The following STOX1 variants were observed in gnomAD, a reference collection of about 807,000 sequenced individuals.
STOX1 encodes the protein storkhead box 1.
A neutral mutation model predicts 74.8 loss-of-function variants in STOX1; 57 were observed. The ratio of observed to expected loss-of-function variants is 0.76; its 90% confidence interval spans 0.62 to 0.95. The LOEUF (loss-of-function observed/expected upper bound fraction) is 0.95, where lower values mean the gene tolerates loss of function less well. Ranked by LOEUF, STOX1 falls within the 40% of genes least tolerant of loss-of-function variation. STOX1 has a pLI of 0.00. For missense variants in STOX1, 1,010 were observed against 1,117.0 expected (o/e 0.90, Z 1.37); for synonymous variants, 375 against 401.3 (o/e 0.93, Z 0.78).
chr10:68,875,115 A>C (rs1268323231), intron 1 of STOX1, among the ~76,000 whole-genome samples: 1 of 152,192 alleles, frequency 6.6e-6, no homozygotes, highest in African/African-American at 2.4e-5. Flanking sequence ...GTACTATTTG[A>C]AGCCTGGCAT....
At chr10:68,876,699 G>C (rs924207797) in intron 1 of STOX1, among the ~76,000 whole-genome samples, 9 of 152,084 alleles carry the variant, frequency 5.9e-5, no homozygotes, top group African/African-American at 2.2e-4. Flanking sequence ...TTATGCTCTG[G>C]CTCAAAGTCT....
Position 68,886,404 on chromosome 10 carries a change from A to C in STOX1, c.2608A>C (p.Ile870Leu), listed in dbSNP as rs200753231. Residue 870 changes from isoleucine to leucine, a missense_variant, in exon 3 of 4, where the codon ATA becomes CTA. Ile to Leu is a conservative substitution (Grantham distance 5). Coordinates refer to ENST00000298596, the MANE Select transcript of STOX1 (RefSeq NM_152709.5). ...ARKASFEAEV[I>L]QDTIGDTGKK... ...AAAAGCCAGTTTTGAAGCTGAAGTC[A>C]TACAAGACACTATTGGTGACACAGG... is the stretch of plus-strand genomic sequence containing the variant. 6.2e-7 allele frequency: 1 copy of C among 1,614,238 alleles called. No homozygotes were observed. Among genetic ancestry groups the C allele is most frequent in the Non-Finnish European group, 8.5e-7 (1 of 1,180,034 alleles).
chr10:68,827,567 G>A lies in STOX1; in HGVS notation c.-57G>A, dbSNP rs184399576. ...ATCCTCCCGCCGAGCGAGCGGCGTC[G>A]TAGCCGCCGCGCTCGCCGAGGCCCT... On this transcript the variant is annotated 5_prime_UTR_variant, in exon 1 of 4. Transcript: ENST00000298596. 15 of 1,070,732 alleles carry A rather than the reference G, an allele frequency of 1.4e-5. No homozygotes were observed. The African/African-American group carries it at 1.7e-4, about 12-fold the overall frequency. The allele number at this position is 1,070,732 out of a possible 1,614,324, so 66.3% of individuals were successfully genotyped here.
intron 1 of STOX1, among the ~76,000 whole-genome samples, chr10:68,841,647 G>A (rs1461735338): frequency 1.3e-5 from 2 of 152,152 alleles, no homozygotes; most frequent in East Asian, 3.8e-4. Context: ...GGGATTACAT[G>A]AAAGAGAGTT....
chr10:68,859,750 C>G (rs1414683191), intron 1 of STOX1, among the ~76,000 whole-genome samples: 1 of 151,868 alleles, frequency 6.6e-6, no homozygotes, highest in African/African-American at 2.4e-5. Flanking sequence ...GGGACAGATT[C>G]CAACAAGAAG....
chr10:68,866,032 A>G (rs1304808144), intron 1 of STOX1, among the ~76,000 whole-genome samples: 2 of 151,852 alleles, frequency 1.3e-5, no homozygotes, highest in Admixed American at 6.6e-5. Flanking sequence ...AAACCTTGCA[A>G]ATTTTTTCCT....
intron 1 of STOX1, among the ~76,000 whole-genome samples, chr10:68,875,446 A>G (rs929411803): frequency 6.6e-6 from 1 of 152,118 alleles, no homozygotes; most frequent in African/African-American, 2.4e-5. Flanking sequence ...CAGGAAGGCA[A>G]TCTTGAGATG....
intron 1 of STOX1, among the ~76,000 whole-genome samples, chr10:68,867,030 C>T (rs550068153): frequency 1.0e-4 from 15 of 150,068 alleles, no homozygotes; most frequent in African/African-American, 9.8e-5. Context: ...CTGCAAGCTC[C>T]GCCTCCCGGG....
chr10:68,868,102 G>C (rs952544998), intron 1 of STOX1, among the ~76,000 whole-genome samples: 1 of 152,216 alleles, frequency 6.6e-6, no homozygotes. Context: ...ATCCGGGTTC[G>C]AGCCCCAAGT....
At chr10:68,875,823 G>A (rs1040972166) in intron 1 of STOX1, among the ~76,000 whole-genome samples, 17 of 152,034 alleles carry the variant, frequency 1.1e-4, no homozygotes, top group Non-Finnish European at 2.1e-4. Context: ...TGATTGCTTG[G>A]GGTTGTATGA....
intron 1 of STOX1, among the ~76,000 whole-genome samples, chr10:68,881,035 T>G (rs1202372863): frequency 6.6e-6 from 1 of 152,152 alleles, no homozygotes; most frequent in African/African-American, 2.4e-5. Flanking sequence ...AGTTTGATGT[T>G]TCTTGGTGCT....
chr10:68,849,728 A>G (rs569926692), intron 1 of STOX1, among the ~76,000 whole-genome samples: 2 of 152,240 alleles, frequency 1.3e-5, no homozygotes, highest in East Asian at 3.9e-4. Flanking sequence ...TGTTACTCAA[A>G]TTCCTCTCAT....
At chr10:68,859,961 A>T (rs975062044) in intron 1 of STOX1, among the ~76,000 whole-genome samples, 2 of 151,934 alleles carry the variant, frequency 1.3e-5, no homozygotes, top group African/African-American at 4.8e-5. Context: ...TCCAAGCAGG[A>T]AGAAAGAATC....
chr10:68,837,041 T>A (rs373955115), intron 1 of STOX1, among the ~76,000 whole-genome samples: 2 of 152,206 alleles, frequency 1.3e-5, no homozygotes, highest in South Asian at 2.1e-4. Context: ...TAGGTATGCA[T>A]TGAGCATTTA....
In STOX1 at chr10:68,886,193, C is replaced by T; in HGVS notation, c.2397C>T (p.Cys799=). The T allele has an allele frequency of 6.2e-7, 1 of 1,614,140 alleles. No homozygotes were observed. The highest frequency in any genetic ancestry group is 8.5e-7 in the Non-Finnish European group (1 of 1,180,000). Residue 799 remains cysteine, a synonymous_variant, in exon 3 of 4, where the codon TGC becomes TGT. Transcript: ENST00000298596. ...CTCAGGTGCTTAAAAGAAATGAATG[C>T]TACAAACCCACTGGGCTGCATGCTA... ...VESQVLKRNE[C]YKPTGLHATP...
intron 3 of STOX1, 67 bp downstream of exon 3, chr10:68,886,685 T>C (rs1186695030): frequency 6.8e-7 from 1 of 1,480,622 alleles, no homozygotes; most frequent in Non-Finnish European, 9.3e-7. Context: ...TCCCAGCATT[T>C]TGGGAGGCCG....
intron 1 of STOX1, among the ~76,000 whole-genome samples, chr10:68,833,387 C>T (rs1203696700): frequency 6.6e-6 from 1 of 152,146 alleles, no homozygotes; most frequent in Non-Finnish European, 1.5e-5. Flanking sequence ...AGACAAAACT[C>T]CTCAGACACC....
At chr10:68,877,554 TTTC>T (rs1840709715) in intron 1 of STOX1, among the ~76,000 whole-genome samples, 1 of 152,186 alleles carries the variant, frequency 6.6e-6, no homozygotes, top group South Asian at 2.1e-4. Flanking sequence ...GACTATTAGT[TTTC>T]TTATGAAAAG....
intron 1 of STOX1, among the ~76,000 whole-genome samples, chr10:68,844,294 C>CTTTTTTTTT (rs777175392): frequency 1.9e-5 from 2 of 104,704 alleles, no homozygotes; most frequent in Non-Finnish European, 1.8e-5. Flanking sequence ...TCTGGATCTT[C>CTTTTTTTTT]TTTTTTTTTT....
Sources: gnomAD v4.1 joint callset for allele counts (sites outside exome capture counted in the v4.1 genomes callset) on GRCh38, gnomAD v4.1.1 for gene constraint, MANE v1.5 for transcripts, NCBI Gene and HGNC (gene_info 2026-07-23, HGNC 2026-07-21) for gene names.